MED23: variants seen among roughly 807,000 people sequenced by gnomAD.
MED23 encodes the protein mediator of RNA polymerase II transcription subunit 23.
MED23 carries 105 observed loss-of-function variants against 163.9 expected under a neutral mutation model. That is an observed-to-expected ratio of 0.64 (90% CI 0.55 to 0.75). MED23 has a LOEUF of 0.75. Among genes scored for constraint, MED23 ranks in the 30% least tolerant of loss-of-function variants. MED23 has a pLI of 0.00. For synonymous variants in MED23, 561 were observed against 565.6 expected (o/e 0.99, Z 0.12); for missense variants, 1,054 against 1,649.0 (o/e 0.64, Z 6.25).
rs1389925295 is a variant in MED23 at position 131,587,538 on chromosome 6, A to T, written c.*141T>A. On this transcript the variant is annotated 3_prime_UTR_variant, in exon 29 of 29. Transcript: ENST00000368068. ...GTTATAAGGTGTCAACAGATTCATC[A>T]TTTGAATCAAAATAAAACAATCTGA... 1 of 1,509,868 alleles carries T rather than the reference A, an allele frequency of 6.6e-7. No homozygotes were observed. The highest frequency in any genetic ancestry group is 1.4e-5 in the African/African-American group (1 of 72,140). The allele number at this position is 1,509,868 out of a possible 1,614,324, so 93.5% of individuals were successfully genotyped here.
chr6:131,604,145 AATAGTT>A (rs777958985), intron 15 of MED23, 27 bp downstream of exon 15: 2 of 1,611,312 alleles, frequency 1.2e-6, no homozygotes, highest in Non-Finnish European at 1.7e-6. Context: ...TGAATGGGTT[AATAGTT>A]ATAAACACCA....
chr6:131,580,401 C>T (rs1047114646), intron 30 of MED23, among the ~76,000 whole-genome samples: 3 of 152,142 alleles, frequency 2.0e-5, no homozygotes, highest in Admixed American at 6.5e-5. Context: ...GCTTCCACTT[C>T]GAGAATCTAA....
chr6:131,610,315 G>C, intron 10 of MED23, 69 bp from the exon 11 acceptor site: 2 of 1,447,124 alleles, frequency 1.4e-6, no homozygotes, highest in South Asian at 2.4e-5. Context: ...ACCAGTTAAT[G>C]GGCATTAATT....
chr6:131,628,100 A>G lies in MED23; in HGVS notation c.-51T>C. ...GGGTGCCCGGCAAGGCCCGGATCAG[A>G]CTCGAGCTCTGGGAATATAGGGGCA... On this transcript the variant is annotated 5_prime_UTR_variant, in exon 1 of 29. Coordinates refer to ENST00000368068, the MANE Select transcript of MED23 (RefSeq NM_004830.4). 6.2e-7 allele frequency: 1 copy of G among 1,606,700 alleles called. No individual in the cohort carries two copies. The highest frequency in any genetic ancestry group is 8.5e-7 in the Non-Finnish European group (1 of 1,174,304).
intron 26 of MED23, 127 bp downstream of exon 26, chr6:131,591,186 G>A (rs1166399474): frequency 4.1e-6 from 3 of 724,058 alleles, no homozygotes; most frequent in South Asian, 3.0e-5. Context: ...CACAATGTTG[G>A]CCAGGATGGT....
chr6:131,596,469 C>G, intron 21 of MED23, 49 bp downstream of exon 21: 1 of 1,598,970 alleles, frequency 6.3e-7, no homozygotes, highest in Non-Finnish European at 8.6e-7. Flanking sequence ...ATCAAATACT[C>G]AAGTATGGCT....
At chr6:131,588,854 C>T (rs957994173) in intron 28 of MED23, among the ~76,000 whole-genome samples, 4 of 152,126 alleles carry the variant, frequency 2.6e-5, no homozygotes, top group Admixed American at 6.5e-5. Context: ...AGGGTGGCCT[C>T]CCTTTAACTT....
chr6:131,610,008 C>G, intron 11 of MED23, 38 bp downstream of exon 11: 1 of 1,577,674 alleles, frequency 6.3e-7, no homozygotes, highest in Non-Finnish European at 8.7e-7. Flanking sequence ...CAGTAATCAA[C>G]AGGTGAAGTC....
rs778516229 is a variant in MED23, at chr6:131,593,148, G to GTT, written c.3255_3256insAA (p.Pro1086AsnfsTer43). The GTT allele has an allele frequency of 1.2e-6, 2 of 1,614,136 alleles. No individual in the cohort carries two copies. The highest frequency in any genetic ancestry group is 2.2e-5 in the South Asian group (2 of 91,082). ...AATCTCCAGTCACAGTTTGGAAAGG[G>GTT]ACCAGGAGATTTGCCAGCCATCGGT... On this transcript the variant is annotated frameshift_variant, in exon 24 of 29. Transcript: ENST00000368068. LOFTEE classifies it high-confidence loss of function.
intron 9 of MED23, among the ~76,000 whole-genome samples, chr6:131,617,022 G>A (rs1212118630): frequency 1.3e-5 from 2 of 151,754 alleles, no homozygotes; most frequent in East Asian, 1.9e-4. Flanking sequence ...AGATGAAACA[G>A]TGATAAGCCT....
chr6:131,615,559 A>C (rs1776624944), intron 10 of MED23: 1 of 509,040 alleles, frequency 2.0e-6, no homozygotes, highest in Non-Finnish European at 3.5e-6. Flanking sequence ...CACGCTGAAG[A>C]TACCAAGGGT....
intron 17 of MED23, 57 bp downstream of exon 17, chr6:131,602,161 G>T: frequency 6.4e-7 from 1 of 1,554,282 alleles, no homozygotes; most frequent in Non-Finnish European, 8.9e-7. Context: ...GTAATTAGTA[G>T]AATCATGGCA....
intron 10 of MED23, among the ~76,000 whole-genome samples, chr6:131,612,536 A>G (rs1380215689): frequency 2.0e-5 from 3 of 152,248 alleles, no homozygotes; most frequent in African/African-American, 7.2e-5. Flanking sequence ...ATGACTGTTC[A>G]CATCTTGTTT....
intron 10 of MED23, among the ~76,000 whole-genome samples, chr6:131,614,826 G>A (rs1189636622): frequency 6.6e-6 from 1 of 151,798 alleles, no homozygotes; most frequent in Non-Finnish European, 1.5e-5. Flanking sequence ...TTTTTGTGTT[G>A]TTTTTAATTT....
intron 7 of MED23, 66 bp from the exon 8 acceptor site, chr6:131,619,962 GAA>G (rs1189476798): frequency 5.4e-6 from 5 of 918,298 alleles, no homozygotes; most frequent in African/African-American, 1.6e-5. Flanking sequence ...GACTGCCCCT[GAA>G]ATATATGAAC....
At chr6:131,621,805 T>C in intron 6 of MED23, 76 bp downstream of exon 6, 1 of 860,380 alleles carries the variant, frequency 1.2e-6, no homozygotes, top group East Asian at 2.7e-5. Context: ...ATACCGTAAG[T>C]ATTAAAAGCA....
rs1315034406 is a variant in MED23, at chr6:131,610,032, G to A, written c.1077+14C>T. The A allele has an allele frequency of 6.2e-7, 1 of 1,610,802 alleles. No homozygotes were observed. Among genetic ancestry groups the A allele is most frequent in the African/African-American group, 1.3e-5 (1 of 74,960 alleles). The stretch of plus-strand genomic sequence containing the variant: ...ACAGGTGAAGTCACTCCGACCATAA[G>A]ATTTAGTACATACCTTCTGATGAAG... On this transcript the variant is annotated intron_variant, in intron 11 of 28. Transcript: ENST00000368068.
chr6:131,602,088 T>C (rs1411426144), intron 17 of MED23, 130 bp downstream of exon 17: 1 of 996,694 alleles, frequency 1.0e-6, no homozygotes, highest in African/African-American at 1.6e-5. Flanking sequence ...ATAGTGAAGA[T>C]ATCAAAACAA....
At position 131,587,472 on chromosome 6, in the gene MED23, C is replaced by G; in HGVS notation, c.*207G>C. On this transcript the variant is annotated 3_prime_UTR_variant, in exon 29 of 29. Transcript: ENST00000368068. ...ATGAATATGAACAACATGTATCTTA[C>G]TTGATCTCTTAGAGACAAAAATATA... 7.1e-7 allele frequency: 1 copy of G among 1,405,136 alleles called. No individual in the cohort carries two copies. Among genetic ancestry groups the G allele is most frequent in the Non-Finnish European group, 9.2e-7 (1 of 1,081,170 alleles). The allele number at this position is 1,405,136 out of a possible 1,614,324, so 87.0% of individuals were successfully genotyped here.
Sources: gnomAD v4.1 joint callset for allele counts (sites outside exome capture counted in the v4.1 genomes callset) on GRCh38, gnomAD v4.1.1 for gene constraint, MANE v1.5 for transcripts, NCBI Gene and HGNC (gene_info 2026-07-23, HGNC 2026-07-21) for gene names.